The following SHQ1 variants were observed in gnomAD, a reference collection of about 807,000 sequenced individuals.
The protein encoded by SHQ1 is SHQ1, H/ACA ribonucleoprotein assembly factor, also known as protein SHQ1 homolog.
Under a neutral mutation model 53.8 loss-of-function variants are expected in SHQ1, and 49 were observed. The observed-to-expected ratio is 0.91, with a 90% CI of 0.72 to 1.16. The LOEUF (loss-of-function observed/expected upper bound fraction) is 1.16. SHQ1 is among the 50% of genes most tolerant of loss of function. The probability of loss-of-function intolerance (pLI) is 0.00; values close to 1 mark genes in which losing one functional copy is unlikely to be tolerated. For missense variants in SHQ1, 738 were observed against 683.1 expected, an observed-to-expected ratio of 1.08 and a Z score of -0.90; for synonymous variants, 243 against 251.0, an observed-to-expected ratio of 0.97 and a Z score of 0.30.
rs745347476 is a variant in SHQ1, at chr3:72,848,358, G to A, written c.-18C>T. On this transcript the variant is annotated 5_prime_UTR_variant, in exon 1 of 11. Transcript: ENST00000325599. ...GTCAGCATCGCCGCACCGGACGCAA[G>A]GGCCGGCGCCGCTCGCTCTCACTGC... The A allele has an allele frequency of 2.5e-6, 4 of 1,612,518 alleles. No homozygotes were observed. Among genetic ancestry groups the A allele is most frequent in the Non-Finnish European group, 3.4e-6 (4 of 1,179,120 alleles).
chr3:72,749,392 G>A lies in SHQ1; in HGVS notation c.*892C>T. On this transcript the variant is annotated 3_prime_UTR_variant, in exon 11 of 11. Transcript: ENST00000325599. Reference sequence around the variant, plus strand: ...ATTCAATGAAGCAGTACTCAGCAATGAAAAACATAAAAACAAAAACTCGTG... The same window carrying A: ...ATTCAATGAAGCAGTACTCAGCAATAAAAAACATAAAAACAAAAACTCGTG... 4.4e-6 allele frequency: 1 copy of A among 227,162 alleles called. No individual in the cohort carries two copies. Among genetic ancestry groups the A allele is most frequent in the African/African-American group, 2.2e-5 (1 of 45,108 alleles). The allele number at this position is 227,162 out of a possible 1,614,324, so 14.1% of individuals were successfully genotyped here.
At chr3:72,798,038 C>T (rs1310391210) in intron 9 of SHQ1, among the ~76,000 whole-genome samples, 2 of 152,214 alleles carry the variant, frequency 1.3e-5, no homozygotes, top group Non-Finnish European at 2.9e-5. Flanking sequence ...ACTCAAAGTA[C>T]ACGGTTCCTG....
At chr3:72,845,240 T>C (rs777418308) in intron 1 of SHQ1, among the ~76,000 whole-genome samples, 1 of 152,124 alleles carries the variant, frequency 6.6e-6, no homozygotes, top group Non-Finnish European at 1.5e-5. Flanking sequence ...TCCTAGCACT[T>C]TGGGAGGCCG....
chr3:72,808,550 C>A (rs907082661), intron 9 of SHQ1, among the ~76,000 whole-genome samples: 1 of 152,100 alleles, frequency 6.6e-6, no homozygotes, highest in South Asian at 2.1e-4. Context: ...GCCTGCTTCA[C>A]AGGACTGCAA....
intron 6 of SHQ1, among the ~76,000 whole-genome samples, chr3:72,818,461 TTTAC>T (rs946993283): frequency 6.6e-6 from 1 of 152,168 alleles, no homozygotes; most frequent in Non-Finnish European, 1.5e-5. Flanking sequence ...AGAAAGACAC[TTTAC>T]TTAAAGGCTA....
chr3:72,846,526 G>A (rs1708332738), intron 1 of SHQ1, among the ~76,000 whole-genome samples: 1 of 152,040 alleles, frequency 6.6e-6, no homozygotes, highest in Admixed American at 6.6e-5. Context: ...TCAAACTCCT[G>A]ACCTCAAGTG....
chr3:72,841,290 G>A, intron 3 of SHQ1, 91 bp from the exon 4 acceptor site: 1 of 943,298 alleles, frequency 1.1e-6, no homozygotes, highest in Non-Finnish European at 1.5e-6. Context: ...CCACAAAGAT[G>A]TACCAAAAGA....
In SHQ1 at chr3:72,750,379, T is replaced by G; in HGVS notation, c.1639A>C (p.Lys547Gln). The G allele has an allele frequency of 6.2e-7, 1 of 1,614,106 alleles. No individual in the cohort carries two copies. Among genetic ancestry groups the G allele is most frequent in the Non-Finnish European group, 8.5e-7 (1 of 1,180,006 alleles). Reference sequence around the variant, plus strand: ...GGTTCAGAAACCTGAACTGTAGTCTTCAGTTGTTCCCCAAGCTCCTCTATC... The same window carrying G: ...GGTTCAGAAACCTGAACTGTAGTCTGCAGTTGTTCCCCAAGCTCCTCTATC... ...PLIEELGEQL[K>Q]TTVQVSEPKG... is the part of the protein sequence containing the mutation. The change falls in exon 11 of 11, where the codon AAG (lysine) becomes CAG (glutamine). Residue 547 changes from lysine to glutamine, a missense_variant. By Grantham distance (53) the Lys-to-Gln change is moderately conservative. Transcript: ENST00000325599.
the SHQ1 span, among the ~76,000 whole-genome samples, chr3:72,734,001 C>T: frequency 6.6e-6 from 1 of 151,120 alleles, no homozygotes; most frequent in South Asian, 2.1e-4. Flanking sequence ...AACCCAATCT[C>T]TACCAAAAAT....
intron 1 of SHQ1, among the ~76,000 whole-genome samples, chr3:72,847,877 G>C (rs754828096): frequency 9.2e-5 from 14 of 152,128 alleles, no homozygotes; most frequent in Non-Finnish European, 1.6e-4. Context: ...TGAAAGGAAA[G>C]AACAGAACAA....
At chr3:72,832,042 T>A (rs1178914188) in intron 5 of SHQ1, among the ~76,000 whole-genome samples, 6 of 152,204 alleles carry the variant, frequency 3.9e-5, no homozygotes, top group Non-Finnish European at 8.8e-5. Context: ...ATACCATTAA[T>A]CACAACCAAA....
At position 72,812,750 on chromosome 3, in the gene SHQ1, C is replaced by G. The variant is rs769475757; in HGVS notation, c.981G>C (p.Arg327Ser). The G allele has an allele frequency of 3.1e-6, 5 of 1,614,022 alleles. No individual in the cohort carries two copies. In the South Asian group the frequency reaches 4.4e-5, roughly 14 times the overall value. ...GGCGATAGAGTGGGTAACACAACAC[C>G]CTTCTTCCAAAAGACACCATGATAT... ...VHDIMVSFGR[R>S]VLCYPLYRHF... is the part of the protein sequence containing the mutation. The change falls in exon 9 of 11, where the codon AGG (arginine) becomes AGC (serine). Residue 327 changes from arginine to serine, a missense_variant. By Grantham distance (110) the Arg-to-Ser change is moderately radical. Transcript: ENST00000325599.
intron 10 of SHQ1, among the ~76,000 whole-genome samples, chr3:72,759,901 C>T (rs1705573746): frequency 1.3e-5 from 2 of 152,170 alleles, no homozygotes; most frequent in Admixed American, 6.5e-5. Flanking sequence ...ATCTAACATT[C>T]ATCACTTCAT....
In SHQ1 at chr3:72,824,637, T is replaced by C. The variant is rs2106899913; in HGVS notation, c.600-86A>G. ...ATTTTATCTTAACTCATATTTGTAC[T>C]AGAAATACAGATTTTAATTCAAAGT... On this transcript the variant is annotated intron_variant, in intron 5 of 10. Transcript: ENST00000325599. 4 of 1,429,692 alleles carry C rather than the reference T, an allele frequency of 2.8e-6. No individual in the cohort carries two copies. The Admixed American group carries it at 7.3e-5, about 26-fold the overall frequency. 88.6% of individuals were successfully genotyped at this position (1,429,692 alleles called of 1,614,324 possible). A position where few individuals can be genotyped will look rare whatever the true frequency, so the allele number is the denominator to read the frequency against.
rs567618500 is a variant in SHQ1 at position 72,788,941 on chromosome 3, A to G, written c.1181+3975T>C. 3.9e-5 allele frequency among the ~76,000 whole-genome samples: 6 copies of G among 152,234 alleles called. No homozygotes were observed. The East Asian group carries it at 1.2e-3, about 29-fold the overall frequency. ...AAGTACCCAGGGACACAAACACTGC[A>G]GAAGGTGGCAGGGCCCTCTGCCTAG... On this transcript the variant is annotated intron_variant, in intron 10 of 10. Transcript: ENST00000325599.
At chr3:72,803,219 T>C (rs958137538) in intron 9 of SHQ1, among the ~76,000 whole-genome samples, 4 of 152,222 alleles carry the variant, frequency 2.6e-5, no homozygotes, top group African/African-American at 9.6e-5. Flanking sequence ...TGTTCATACT[T>C]AAGCTTTAAA....
chr3:72,777,316 G>T (rs1214290026), intron 10 of SHQ1, among the ~76,000 whole-genome samples: 1 of 152,122 alleles, frequency 6.6e-6, no homozygotes, highest in African/African-American at 2.4e-5. Flanking sequence ...TAAAGGACTA[G>T]TATCCAGAAT....
At chr3:72,769,456 C>T (rs1575681910) in intron 10 of SHQ1, among the ~76,000 whole-genome samples, 2 of 152,160 alleles carry the variant, frequency 1.3e-5, no homozygotes, top group African/African-American at 2.4e-5. Context: ...TCAATACGTA[C>T]CTGCTACACT....
intron 10 of SHQ1, among the ~76,000 whole-genome samples, chr3:72,758,770 T>C (rs1186147709): frequency 2.0e-5 from 3 of 152,116 alleles, no homozygotes; most frequent in South Asian, 2.1e-4. Flanking sequence ...GGTTTCACCA[T>C]GTTGGCCAGG....
Sources: gnomAD v4.1 joint callset for allele counts (sites outside exome capture counted in the v4.1 genomes callset) on GRCh38, gnomAD v4.1.1 for gene constraint, MANE v1.5 for transcripts, NCBI Gene and HGNC (gene_info 2026-07-23, HGNC 2026-07-21) for gene names.